The following EPS15 variants were observed in gnomAD, a reference collection of about 807,000 sequenced individuals.
The protein encoded by EPS15 is epidermal growth factor receptor pathway substrate 15, also known as epidermal growth factor receptor substrate 15.
Under a neutral mutation model 113.8 loss-of-function variants are expected in EPS15, and 72 were observed. The ratio of observed to expected loss-of-function variants is 0.63; its 90% CI spans 0.52 to 0.77. EPS15 has a LOEUF of 0.77. Among genes scored for constraint, EPS15 ranks in the 30% least tolerant of loss-of-function variants. EPS15 has a pLI of 0.00. For missense variants in EPS15, 1,048 were observed against 1,045.8 expected, an observed-to-expected ratio of 1.00 and a Z score of -0.03; for synonymous variants, 344 against 363.4, an observed-to-expected ratio of 0.95 and a Z score of 0.61.
At chr1:51,473,225 T>C (rs1232903949) in intron 2 of EPS15, among the ~76,000 whole-genome samples, 1 of 152,088 alleles carries the variant, frequency 6.6e-6, no homozygotes, top group Non-Finnish European at 1.5e-5. Flanking sequence ...ATTCGTGGGG[T>C]TGTAACATCA....
chr1:51,405,837 T>G, intron 16 of EPS15, 68 bp downstream of exon 16: 1 of 1,283,934 alleles, frequency 7.8e-7, no homozygotes, highest in Non-Finnish European at 1.1e-6. Context: ...ATATTAGATA[T>G]AATGTCAGTG....
chr1:51,462,283 A>C (rs1191522104), intron 7 of EPS15: 1 of 152,262 alleles, frequency 6.6e-6, no homozygotes, highest in African/African-American at 2.4e-5. Context: ...GAATTGCTTG[A>C]ACCCGGGAGG....
intron 8 of EPS15, among the ~76,000 whole-genome samples, chr1:51,459,445 A>C (rs1373615403): frequency 6.6e-6 from 1 of 152,016 alleles, no homozygotes; most frequent in Non-Finnish European, 1.5e-5. Context: ...GCAGTGAGCC[A>C]AGATTGCGCC....
At chr1:51,393,997 C>T (rs1647653156) in intron 21 of EPS15, among the ~76,000 whole-genome samples, 1 of 152,128 alleles carries the variant, frequency 6.6e-6, no homozygotes, top group Non-Finnish European at 1.5e-5. Flanking sequence ...ATTAACAGAA[C>T]CCATTTGTAT....
intron 24 of EPS15, 121 bp from the exon 25 acceptor site, chr1:51,356,967 T>C (rs1329975701): frequency 2.7e-6 from 2 of 741,254 alleles, no homozygotes; most frequent in African/African-American, 3.6e-5. Context: ...TGGTTACTTG[T>C]TAATTCTTTT....
chr1:51,439,428 G>A (rs1652413079), intron 12 of EPS15, among the ~76,000 whole-genome samples: 1 of 151,926 alleles, frequency 6.6e-6, no homozygotes, highest in African/African-American at 2.4e-5. Flanking sequence ...TCTCAATACT[G>A]TCAGTAAAAT....
intron 12 of EPS15, among the ~76,000 whole-genome samples, chr1:51,432,983 T>G (rs1430339955): frequency 6.6e-6 from 1 of 152,154 alleles, no homozygotes; most frequent in African/African-American, 2.4e-5. Flanking sequence ...AGCTCCAGAT[T>G]TGATAATATA....
rs1320112613 is a variant in EPS15 at position 51,382,495 on chromosome 1, T to G, written c.2119+11886A>C. On this transcript the variant is annotated intron_variant, in intron 21 of 24. Coordinates refer to ENST00000371733, the MANE Select transcript of EPS15 (RefSeq NM_001981.3). ...GTGCAGTGGTGTAATCTCGGCTCAC[T>G]GCAACCTCCACATCCCAGGTTCAAG... is the stretch of plus-strand genomic sequence containing the variant. The G allele has an allele frequency of 3.3e-5, 5 of 150,358 alleles. No homozygotes were observed. In the Admixed American group the frequency reaches 3.4e-4, roughly 10 times the overall value. The allele number at this position is 150,358 out of a possible 1,614,324, so 9.3% of individuals were successfully genotyped here.
At chr1:51,408,752 C>T (rs546006694) in intron 14 of EPS15, among the ~76,000 whole-genome samples, 8 of 150,370 alleles carry the variant, frequency 5.3e-5, no homozygotes, top group African/African-American at 1.7e-4. Flanking sequence ...CTCAGCCTCT[C>T]GAGTAGGTGG....
chr1:51,445,788 T>C (rs1652995731), intron 10 of EPS15, among the ~76,000 whole-genome samples: 1 of 152,216 alleles, frequency 6.6e-6, no homozygotes, highest in Non-Finnish European at 1.5e-5. Flanking sequence ...TTTCTTCTTA[T>C]AACCTTGGCT....
chr1:51,519,145 G>A, intron 1 of EPS15, 54 bp downstream of exon 1: 3 of 1,321,020 alleles, frequency 2.3e-6, no homozygotes, highest in East Asian at 2.9e-5. Flanking sequence ...GCTGAGGGCG[G>A]TGGGGGAGGG....
intron 1 of EPS15, among the ~76,000 whole-genome samples, chr1:51,513,122 T>C (rs189161458): frequency 6.6e-5 from 10 of 152,300 alleles, no homozygotes; most frequent in Admixed American, 5.2e-4. Flanking sequence ...TGAGCCACTA[T>C]GCCTACCCCA....
intron 12 of EPS15, among the ~76,000 whole-genome samples, chr1:51,422,477 G>A (rs1220334579): frequency 1.3e-5 from 2 of 152,260 alleles, no homozygotes; most frequent in South Asian, 4.1e-4. Flanking sequence ...TATACAAACA[G>A]TATATATAAA....
intron 20 of EPS15, among the ~76,000 whole-genome samples, chr1:51,398,053 GA>G (rs1361427711): frequency 2.0e-5 from 3 of 150,804 alleles, no homozygotes; most frequent in Admixed American, 1.3e-4. Context: ...ACAAGATGAA[GA>G]TTTTTTTTTT....
chr1:51,443,535 A>G (rs890196738), intron 11 of EPS15, among the ~76,000 whole-genome samples: 2 of 152,158 alleles, frequency 1.3e-5, no homozygotes, highest in African/African-American at 2.4e-5. Context: ...GCAGATAATA[A>G]AATATTTATT....
At chr1:51,406,133 G>A (rs758914941) in intron 15 of EPS15, 25 bp from the exon 16 acceptor site, 110 of 1,595,750 alleles carry the variant, frequency 6.9e-5, no homozygotes, top group Non-Finnish European at 7.9e-5. Context: ...AAGAAATATA[G>A]AACAGAATTT....
chr1:51,424,040 G>A (rs980851154), intron 12 of EPS15, among the ~76,000 whole-genome samples: 3 of 151,944 alleles, frequency 2.0e-5, no homozygotes, highest in Non-Finnish European at 4.4e-5. Flanking sequence ...ATTCCTCTTA[G>A]TAAGAAGATC....
intron 1 of EPS15, among the ~76,000 whole-genome samples, chr1:51,508,352 G>GAAAGAAAGAAAGAA (rs1644556654): frequency 1.4e-5 from 2 of 146,016 alleles, no homozygotes; most frequent in Non-Finnish European, 3.0e-5. Context: ...AAGAAAGAAA[G>GAAAGAAAGAAAGAA]AAAGAAAGAA....
intron 6 of EPS15, among the ~76,000 whole-genome samples, chr1:51,464,582 T>C (rs997109069): frequency 1.3e-5 from 2 of 152,194 alleles, no homozygotes; most frequent in African/African-American, 4.8e-5. Context: ...TCAAGATTTC[T>C]CCATTTTTCC....
Sources: allele counts gnomAD v4.1 joint callset (sites outside exome capture counted in the v4.1 genomes callset), GRCh38; gene constraint gnomAD v4.1.1; transcripts MANE v1.5; gene names NCBI Gene and HGNC (gene_info 2026-07-23, HGNC 2026-07-21).